Variants in TMEM161B observed in about 807,000 individuals in gnomAD.
TMEM161B encodes the protein transmembrane protein 161B.
A neutral mutation model predicts 61.8 loss-of-function variants in TMEM161B; 34 were observed. That is an observed-to-expected ratio of 0.55 (90% CI 0.42 to 0.73). The LOEUF (loss-of-function observed/expected upper bound fraction) is 0.73. TMEM161B is among the 30% of genes least tolerant of loss of function. The pLI is 0.00. For synonymous variants in TMEM161B, 167 were observed against 192.8 expected (o/e 0.87, Z 1.11); for missense variants, 456 against 558.5 (o/e 0.82, Z 1.85).
chr5:88,189,466 C>T (rs1748573165), downstream of TMEM161B, among the ~76,000 whole-genome samples: 1 of 152,102 alleles, frequency 6.6e-6, no homozygotes, highest in South Asian at 2.1e-4. Context: ...GTGGTGGATC[C>T]AGGCTGGGAT....
intron 1 of TMEM161B, among the ~76,000 whole-genome samples, chr5:88,267,144 T>C (rs1221566194): frequency 6.6e-6 from 1 of 152,176 alleles, no homozygotes; most frequent in Non-Finnish European, 1.5e-5. Flanking sequence ...TGAGTTTTAG[T>C]CCAGACTGCC....
At position 88,196,153 on chromosome 5, in the gene TMEM161B, G is replaced by A; in HGVS notation, c.*58C>T. On this transcript the variant is annotated 3_prime_UTR_variant, in exon 12 of 12. Transcript: ENST00000296595. ...CTTCTGGTTTTCATCAGCCCTTTAA[G>A]GGCACAGATATTTTAATTTAAAGGG... is the stretch of plus-strand genomic sequence containing the variant. The A allele has an allele frequency of 6.5e-7, 1 of 1,530,106 alleles. No homozygotes were observed. The highest frequency in any genetic ancestry group is 8.7e-7 in the Non-Finnish European group (1 of 1,145,296). 94.8% of individuals were successfully genotyped at this position (1,530,106 alleles called of 1,614,324 possible).
chr5:88,217,557 G>A (rs1748097685), intron 5 of TMEM161B, among the ~76,000 whole-genome samples: 1 of 151,556 alleles, frequency 6.6e-6, no homozygotes, highest in Admixed American at 6.6e-5. Flanking sequence ...TGTGTGTGGT[G>A]GTGGCGGCAG....
chr5:88,251,999 A>C (rs186472784), intron 1 of TMEM161B, among the ~76,000 whole-genome samples: 103 of 152,290 alleles, frequency 6.8e-4, no homozygotes, highest in African/African-American at 2.4e-3. Flanking sequence ...GTCTTAACAG[A>C]GCTTAAAACC....
chr5:88,232,972 G>T (rs1008432833), intron 2 of TMEM161B, among the ~76,000 whole-genome samples: 2 of 152,006 alleles, frequency 1.3e-5, no homozygotes, highest in Non-Finnish European at 2.9e-5. Flanking sequence ...ATTTCCTATG[G>T]GATAACTCAG....
At chr5:88,192,376 A>G (rs1749046141), downstream of TMEM161B, among the ~76,000 whole-genome samples, 1 of 152,154 alleles carries the variant, frequency 6.6e-6, no homozygotes, top group Non-Finnish European at 1.5e-5. Context: ...AAAAGGCTCT[A>G]CCTGTTTTTG....
intron 4 of TMEM161B, among the ~76,000 whole-genome samples, chr5:88,224,368 A>C (rs926673093): frequency 2.0e-5 from 3 of 152,206 alleles, no homozygotes; most frequent in Admixed American, 2.0e-4. Context: ...TTTAAAAACC[A>C]GTGTTTTAAA....
rs971764284 is a variant in TMEM161B at position 88,199,207 on chromosome 5, C to G, written c.915-57G>C. 20 of 1,500,016 alleles carry G rather than the reference C, an allele frequency of 1.3e-5. 1 individual carries two copies. In the South Asian group the frequency reaches 2.5e-4, roughly 19 times the overall value. 92.9% of individuals were successfully genotyped at this position (1,500,016 alleles called of 1,614,324 possible). A position where few individuals can be genotyped will look rare whatever the true frequency, so the allele number is the denominator to read the frequency against. On this transcript the variant is annotated intron_variant, in intron 9 of 11. Transcript: ENST00000296595. Reference sequence around the variant, plus strand: ...AAAGACAACAATATGCTAGCATGCTCGTTATATGTTAATGGTCACCATATA... The same window carrying G: ...AAAGACAACAATATGCTAGCATGCTGGTTATATGTTAATGGTCACCATATA...
chr5:88,244,839 G>A (rs571141098), intron 1 of TMEM161B, among the ~76,000 whole-genome samples: 3 of 151,518 alleles, frequency 2.0e-5, no homozygotes, highest in Non-Finnish European at 3.0e-5. Flanking sequence ...TTGTAATTCC[G>A]GTTATACAGG....
intron 1 of TMEM161B, among the ~76,000 whole-genome samples, chr5:88,244,513 A>G (rs182750079): frequency 3.3e-4 from 50 of 150,050 alleles, no homozygotes; most frequent in African/African-American, 1.2e-3. Flanking sequence ...TTGTACCACT[A>G]CCACAACGTT....
intron 2 of TMEM161B, among the ~76,000 whole-genome samples, chr5:88,236,220 GAGGGACTTATGA>G (rs746546378): frequency 6.6e-5 from 10 of 152,176 alleles, no homozygotes; most frequent in Admixed American, 1.3e-4. Context: ...TATTTTCAGT[GAGGGACTTATGA>G]AGGGAAGCAG....
rs1416345302 is a variant in TMEM161B at position 88,195,547 on chromosome 5, C to T, written c.*664G>A. 9 of 985,078 alleles carry T rather than the reference C, an allele frequency of 9.1e-6. No homozygotes were observed. The highest frequency in any genetic ancestry group is 9.6e-6 in the Non-Finnish European group (8 of 829,682). 61.0% of individuals were successfully genotyped at this position (985,078 alleles called of 1,614,324 possible). ...GCAAGATTACAAATGTTCATATGGC[C>T]AATCATTTTAAAAGAACTCTCAAGT... On this transcript the variant is annotated 3_prime_UTR_variant, in exon 12 of 12. Transcript: ENST00000296595.
chr5:88,210,094 C>T (rs1023984401), intron 5 of TMEM161B, among the ~76,000 whole-genome samples: 32 of 152,260 alleles, frequency 2.1e-4, no homozygotes, highest in Admixed American at 1.2e-3. Context: ...CCTGGTTCTA[C>T]TCTTACTAAA....
downstream of TMEM161B, among the ~76,000 whole-genome samples, chr5:88,190,720 A>C (rs565134632): frequency 6.6e-6 from 1 of 152,012 alleles, no homozygotes; most frequent in South Asian, 2.1e-4. Flanking sequence ...TTGATATTCT[A>C]TGTCTTTTCT....
In TMEM161B at chr5:88,224,426, A is replaced by G. The variant is rs147367175; in HGVS notation, c.289+1343T>C. ...TCCCTTCTAGGATTCAAATAATTTCATATTAATATTATTTTAAACTAGAAT... is the reference window on the plus strand; with the variant it reads ...TCCCTTCTAGGATTCAAATAATTTCGTATTAATATTATTTTAAACTAGAAT... On this transcript the variant is annotated intron_variant, in intron 4 of 11. Coordinates refer to ENST00000296595, the MANE Select transcript of TMEM161B (RefSeq NM_153354.5). Among the ~76,000 whole-genome samples, 105 of 152,318 alleles carry G rather than the reference A, an allele frequency of 6.9e-4. 1 individual carries two copies. The East Asian group carries it at 0.02, about 29-fold the overall frequency.
intron 1 of TMEM161B, among the ~76,000 whole-genome samples, chr5:88,266,663 T>C (rs1160947259): frequency 1.3e-5 from 2 of 152,194 alleles, no homozygotes; most frequent in Non-Finnish European, 2.9e-5. Flanking sequence ...ATAATATCAT[T>C]AGGCCCCAGC....
In TMEM161B at chr5:88,268,774, C is replaced by G; in HGVS notation, c.-51G>C. 3 of 1,613,678 alleles carry G rather than the reference C, an allele frequency of 1.9e-6. No individual in the cohort carries two copies. The highest frequency in any genetic ancestry group is 2.2e-5 in the East Asian group (1 of 44,824). ...GACACCCTGGAGTTGCCGGGGCAGT[C>G]CCAAACCTCTTACCTCCCGGTCCTT... On this transcript the variant is annotated 5_prime_UTR_variant, in exon 1 of 12. Transcript: ENST00000296595.
At chr5:88,212,731 A>T (rs888670578) in intron 5 of TMEM161B, among the ~76,000 whole-genome samples, 13 of 152,160 alleles carry the variant, frequency 8.5e-5, no homozygotes, top group African/African-American at 3.1e-4. Flanking sequence ...CAGGTGGCTG[A>T]GGCACAAGAA....
chr5:88,225,908 C>A (rs1435907213), intron 3 of TMEM161B, 42 bp from the exon 4 acceptor site: 1 of 1,258,306 alleles, frequency 7.9e-7, no homozygotes, highest in Admixed American at 2.1e-5. Flanking sequence ...AAGTTACCTA[C>A]ACTGTTATCC....
Sources: gnomAD v4.1 joint callset for allele counts (sites outside exome capture counted in the v4.1 genomes callset) on GRCh38, gnomAD v4.1.1 for gene constraint, MANE v1.5 for transcripts, NCBI Gene and HGNC (gene_info 2026-07-23, HGNC 2026-07-21) for gene names.